CFAP44: variants seen among roughly 807,000 people sequenced by gnomAD.
The protein encoded by CFAP44 is cilia- and flagella-associated protein 44.
A neutral mutation model predicts 216.2 loss-of-function variants in CFAP44; 134 were observed. The observed-to-expected ratio is 0.62, with a 90% confidence interval of 0.54 to 0.72. The LOEUF (loss-of-function observed/expected upper bound fraction) is 0.72, where lower values mean the gene tolerates loss of function less well. Ranked by LOEUF, CFAP44 falls within the 30% of genes least tolerant of loss-of-function variation. The pLI, the probability that CFAP44 is intolerant of heterozygous loss-of-function variation, is 0.00. For missense variants in CFAP44, 2,035 were observed against 2,182.1 expected, an observed-to-expected ratio of 0.93 and a Z score of 1.34; for synonymous variants, 700 against 727.6, an observed-to-expected ratio of 0.96 and a Z score of 0.61.
rs1240883987 is a variant in CFAP44, at chr3:113,330,652, C to G, written c.3632G>C (p.Arg1211Thr). The stretch of plus-strand genomic sequence containing the variant: ...AGAGAGAATGCACTTGTTCATGTGC[C>G]TTTTATTTCCATGGACCTGAAAAAA... ...HLDSLVHGNK[R>T]HMNKCILSLR... Residue 1211 changes from arginine (R) to threonine (T), a missense_variant, in exon 26 of 35, where the codon AGG (arginine) becomes ACG (threonine). By Grantham distance (71) the Arg-to-Thr change is moderately conservative. Coordinates refer to ENST00000393845, the MANE Select transcript of CFAP44 (RefSeq NM_001164496.2). 5 of 1,530,942 alleles carry G rather than the reference C, an allele frequency of 3.3e-6. No individual in the cohort carries two copies. Among genetic ancestry groups the G allele is most frequent in the Non-Finnish European group, 4.4e-6 (5 of 1,144,824 alleles). The allele number at this position is 1,530,942 out of a possible 1,614,324, so 94.8% of individuals were successfully genotyped here.
chr3:113,380,870 T>C, intron 16 of CFAP44, 29 bp downstream of exon 16: 2 of 1,497,856 alleles, frequency 1.3e-6, no homozygotes, highest in Non-Finnish European at 8.9e-7. Context: ...GAAATTATTA[T>C]AAGATAATGC....
chr3:113,398,356 T>C lies in CFAP44; in HGVS notation c.1569+1550A>G, dbSNP rs116774265. ...TTCATGGAGGGCTATGCAGAGATGA[T>C]GTCTGACCTGAGCTGAGTCATAAAA... On this transcript the variant is annotated intron_variant, in intron 13 of 34. Coordinates refer to ENST00000393845, the MANE Select transcript of CFAP44 (RefSeq NM_001164496.2). Among the ~76,000 whole-genome samples the C allele has an allele frequency of 8.6e-3, 1,303 of 152,272 alleles. 21 individuals are homozygous for C. The highest frequency in any genetic ancestry group is 0.03 in the African/African-American group (1,246 of 41,542).
chr3:113,317,397 C>T (rs1052270342), intron 28 of CFAP44, among the ~76,000 whole-genome samples: 8 of 152,184 alleles, frequency 5.3e-5, no homozygotes, highest in Non-Finnish European at 1.0e-4. Flanking sequence ...AGAGCAGGGC[C>T]GGCTTCCCTT....
chr3:113,342,103 C>T (rs1157666279), intron 23 of CFAP44, among the ~76,000 whole-genome samples, 185 bp from the exon 24 acceptor site: 2 of 152,122 alleles, frequency 1.3e-5, no homozygotes, highest in African/African-American at 2.4e-5. Context: ...GAGGCTGAAG[C>T]GGGTGGATCA....
chr3:113,347,856 A>G (rs1487164643), intron 22 of CFAP44, among the ~76,000 whole-genome samples: 1 of 152,152 alleles, frequency 6.6e-6, no homozygotes, highest in Non-Finnish European at 1.5e-5. Context: ...CCCGATACTA[A>G]CAGGAGAATG....
chr3:113,372,570 G>A (rs1446848114), intron 18 of CFAP44, among the ~76,000 whole-genome samples: 3 of 152,068 alleles, frequency 2.0e-5, no homozygotes, highest in African/African-American at 7.2e-5. Flanking sequence ...CACACACCAG[G>A]GCCTGTTGGG....
At chr3:113,363,955 T>A (rs1386030640) in intron 19 of CFAP44, among the ~76,000 whole-genome samples, 1 of 152,140 alleles carries the variant, frequency 6.6e-6, no homozygotes, top group African/African-American at 2.4e-5. Flanking sequence ...TAGAAATATT[T>A]CAATATATAT....
chr3:113,342,512 G>C (rs1423421992), intron 23 of CFAP44, among the ~76,000 whole-genome samples: 1 of 152,096 alleles, frequency 6.6e-6, no homozygotes, highest in African/African-American at 2.4e-5. Context: ...TAGAGAACAT[G>C]ATAAATGATG....
At chr3:113,296,584 C>T in intron 33 of CFAP44, 141 bp downstream of exon 33, 1 of 875,078 alleles carries the variant, frequency 1.1e-6, no homozygotes, top group African/African-American at 1.7e-5. Flanking sequence ...CGAGACAAGG[C>T]CTAAGATCCT....
intron 18 of CFAP44, among the ~76,000 whole-genome samples, chr3:113,366,897 C>T (rs539999976): frequency 1.3e-5 from 2 of 152,332 alleles, no homozygotes; most frequent in South Asian, 4.1e-4. Flanking sequence ...ACTGGCAGAC[C>T]AGGAGATTCC....
At chr3:113,388,443 G>A (rs995074515) in intron 15 of CFAP44, among the ~76,000 whole-genome samples, 15 of 151,478 alleles carry the variant, frequency 9.9e-5, no homozygotes, top group African/African-American at 2.2e-4. Context: ...GAAAATCACC[G>A]TCACTAAAAC....
intron 4 of CFAP44, among the ~76,000 whole-genome samples, chr3:113,422,958 T>G (rs1332620870): frequency 6.6e-6 from 1 of 152,160 alleles, no homozygotes; most frequent in Non-Finnish European, 1.5e-5. Context: ...CCCTCTAAAT[T>G]ACAACTTACT....
chr3:113,318,503 T>C (rs1480999671), intron 28 of CFAP44, among the ~76,000 whole-genome samples: 2 of 152,128 alleles, frequency 1.3e-5, no homozygotes, highest in African/African-American at 2.4e-5. Flanking sequence ...AAAATATATT[T>C]GAGAATGTAG....
In CFAP44 at chr3:113,291,427, T is replaced by C; in HGVS notation, c.*130A>G. On this transcript the variant is annotated 3_prime_UTR_variant, in exon 35 of 35. Coordinates refer to ENST00000393845, the MANE Select transcript of CFAP44 (RefSeq NM_001164496.2). ...GAGAGATTCTTAAAGTGACTTAACGTGACTGGATCTGGTTTTACACTTTCA... is the reference window on the plus strand; with the variant it reads ...GAGAGATTCTTAAAGTGACTTAACGCGACTGGATCTGGTTTTACACTTTCA... 1 of 1,073,306 alleles carries C rather than the reference T, an allele frequency of 9.3e-7. No individual in the cohort carries two copies. The highest frequency in any genetic ancestry group is 1.7e-5 in the South Asian group (1 of 60,284). 66.5% of individuals were successfully genotyped at this position (1,073,306 alleles called of 1,614,324 possible). A position where few individuals can be genotyped will look rare whatever the true frequency, so the allele number is the denominator to read the frequency against.
At chr3:113,439,597 C>A (rs1334678874) in intron 1 of CFAP44, among the ~76,000 whole-genome samples, 2 of 152,176 alleles carry the variant, frequency 1.3e-5, no homozygotes, top group Admixed American at 1.3e-4. Flanking sequence ...ATTGCAATGC[C>A]TTACTCCCGA....
chr3:113,423,290 T>C (rs368188272), intron 4 of CFAP44, among the ~76,000 whole-genome samples: 172 of 152,074 alleles, frequency 1.1e-3, no homozygotes, highest in African/African-American at 3.9e-3. Flanking sequence ...AATTTTTGTA[T>C]TTCTTGTAAA....
rs1022577396 is a variant in CFAP44 at position 113,288,690 on chromosome 3, A to C, written c.*2867T>G. On this transcript the variant is annotated 3_prime_UTR_variant, in exon 35 of 35. Coordinates refer to ENST00000393845, the MANE Select transcript of CFAP44 (RefSeq NM_001164496.2). ...ACTTTTCTGAAGTGATAGGTGAAACATCTGCTTTCTGCACAGCACTGGAAT... is the reference window on the plus strand; with the variant it reads ...ACTTTTCTGAAGTGATAGGTGAAACCTCTGCTTTCTGCACAGCACTGGAAT... The C allele has an allele frequency of 1.3e-5, 2 of 152,238 alleles. No individual in the cohort carries two copies. The highest frequency in any genetic ancestry group is 2.9e-5 in the Non-Finnish European group (2 of 68,060). 9.4% of individuals were successfully genotyped at this position (152,238 alleles called of 1,614,324 possible).
chr3:113,394,853 G>C (rs1221458652), intron 15 of CFAP44, among the ~76,000 whole-genome samples: 39 of 152,220 alleles, frequency 2.6e-4, no homozygotes, highest in Non-Finnish European at 5.9e-5. Flanking sequence ...CTACACCATT[G>C]ATATTTTAGT....
chr3:113,396,753 C>A, intron 13 of CFAP44, 26 bp from the exon 14 acceptor site: 1 of 1,599,902 alleles, frequency 6.3e-7, no homozygotes, highest in South Asian at 1.1e-5. Flanking sequence ...AGATAAGGGA[C>A]CTGAAACTAG....
Sources: gnomAD v4.1 joint callset for allele counts (sites outside exome capture counted in the v4.1 genomes callset) on GRCh38, gnomAD v4.1.1 for gene constraint, MANE v1.5 for transcripts, NCBI Gene and HGNC (gene_info 2026-07-23, HGNC 2026-07-21) for gene names.